CDH12: variants seen among roughly 807,000 people sequenced by gnomAD.
CDH12 encodes cadherin 12, also known as cadherin-12.
Under a neutral mutation model 74.1 loss-of-function variants are expected in CDH12, and 41 were observed. The observed-to-expected ratio is 0.55, with a 90% CI of 0.43 to 0.72. The LOEUF (loss-of-function observed/expected upper bound fraction) is 0.72. Among genes scored for constraint, CDH12 ranks in the 30% least tolerant of loss-of-function variants. The pLI, the probability that CDH12 is intolerant of heterozygous loss-of-function variation, is 0.00. For synonymous variants in CDH12, 399 were observed against 355.0 expected (o/e 1.12, Z -1.39); for missense variants, 945 against 977.2 (o/e 0.97, Z 0.44).
intron 2 of CDH12, among the ~76,000 whole-genome samples, chr5:22,442,531 T>C (rs1212171828): frequency 2.0e-5 from 3 of 152,214 alleles, no homozygotes; most frequent in African/African-American, 2.4e-5. Flanking sequence ...AATTTAATTC[T>C]ATGAGACATA....
chr5:22,823,714 T>C lies in CDH12; in HGVS notation c.-523+29344A>G, dbSNP rs531182622. On this transcript the variant is annotated intron_variant, in intron 1 of 14. Coordinates refer to ENST00000382254, the MANE Select transcript of CDH12 (RefSeq NM_004061.5). ...GGGGGCAGTTTCCCCCATGCTGTTCTCATGATAATAGGGGGAGTTCTCAGG... is the reference window on the plus strand; with the variant it reads ...GGGGGCAGTTTCCCCCATGCTGTTCCCATGATAATAGGGGGAGTTCTCAGG... Among the ~76,000 whole-genome samples the C allele has an allele frequency of 3.9e-4, 60 of 152,208 alleles. 1 individual carries two copies. In the South Asian group the frequency reaches 0.012, roughly 31 times the overall value.
At chr5:21,849,173 T>G (rs1750335009) in intron 7 of CDH12, among the ~76,000 whole-genome samples, 1 of 151,856 alleles carries the variant, frequency 6.6e-6, no homozygotes, top group Non-Finnish European at 1.5e-5. Context: ...TATGTATTGA[T>G]AGCTCTTTTC....
In CDH12 at chr5:21,803,247, T is replaced by C. The variant is rs1285380893; in HGVS notation, c.1003-827A>G. On this transcript the variant is annotated intron_variant, in intron 9 of 14. Coordinates refer to ENST00000382254, the MANE Select transcript of CDH12 (RefSeq NM_004061.5). ...TATGGCATCTTATATTAAATACTTT[T>C]GGATGTCTAGATCTTTTTTTATTTT... is the stretch of plus-strand genomic sequence containing the variant. Among the ~76,000 whole-genome samples the C allele has an allele frequency of 2.0e-5, 3 of 152,190 alleles. No homozygotes were observed. The South Asian group carries it at 6.2e-4, about 32-fold the overall frequency.
chr5:22,379,478 A>G (rs1338072577), intron 3 of CDH12, among the ~76,000 whole-genome samples: 1 of 152,192 alleles, frequency 6.6e-6, no homozygotes, highest in African/African-American at 2.4e-5. Flanking sequence ...TGTTCACACG[A>G]TTAAATGACT....
intron 1 of CDH12, among the ~76,000 whole-genome samples, chr5:22,654,930 CTCTT>C (rs1276961587): frequency 6.6e-6 from 1 of 152,182 alleles, no homozygotes; most frequent in African/African-American, 2.4e-5. Context: ...TGTGCCGTGC[CTCTT>C]TCTAAGCTTT....
intron 2 of CDH12, among the ~76,000 whole-genome samples, chr5:22,498,634 C>A (rs1389111681): frequency 6.6e-6 from 1 of 151,418 alleles, no homozygotes; most frequent in African/African-American, 2.4e-5. Flanking sequence ...TTTAAGAATG[C>A]CAAAAATATA....
intron 1 of CDH12, among the ~76,000 whole-genome samples, chr5:22,821,188 T>G (rs552800381): frequency 3.2e-4 from 48 of 152,230 alleles, no homozygotes; most frequent in African/African-American, 1.1e-3. Context: ...TCAACAACGC[T>G]TCATGCTAAA....
In CDH12 at chr5:22,099,760, A is replaced by G. The variant is rs112875212; in HGVS notation, c.-186-20898T>C. On this transcript the variant is annotated intron_variant, in intron 4 of 14. Coordinates refer to ENST00000382254, the MANE Select transcript of CDH12 (RefSeq NM_004061.5). ...GTAAATAAATAATCTTTGCTGGCAG[A>G]ACTATGCTGAATCTCCTTAGGCACT... is the stretch of plus-strand genomic sequence containing the variant. Among the ~76,000 whole-genome samples, 25 of 152,304 alleles carry G rather than the reference A, an allele frequency of 1.6e-4. 1 individual carries two copies. Among genetic ancestry groups the G allele is most frequent in the African/African-American group, 5.8e-4 (24 of 41,572 alleles).
intron 4 of CDH12, among the ~76,000 whole-genome samples, chr5:22,162,334 G>T (rs1275512403): frequency 6.6e-6 from 1 of 152,056 alleles, no homozygotes; most frequent in Non-Finnish European, 1.5e-5. Context: ...CCAGGATAAA[G>T]AACTGCCCTC....
chr5:22,271,852 T>G (rs1008230451), intron 3 of CDH12, among the ~76,000 whole-genome samples: 4 of 152,186 alleles, frequency 2.6e-5, no homozygotes, highest in Non-Finnish European at 5.9e-5. Context: ...TGAACTGTGT[T>G]ATAAACAATC....
chr5:22,461,471 T>G (rs1230962669), intron 2 of CDH12, among the ~76,000 whole-genome samples: 1 of 147,922 alleles, frequency 6.8e-6, no homozygotes, highest in African/African-American at 2.6e-5. Context: ...TTATCTATAG[T>G]TAAAAAAAAG....
chr5:21,756,884 G>GTTC (rs1744428078), intron 13 of CDH12, among the ~76,000 whole-genome samples: 1 of 152,130 alleles, frequency 6.6e-6, no homozygotes, highest in Non-Finnish European at 1.5e-5. Flanking sequence ...ATTGAGGCAG[G>GTTC]TTCTTCAGCA....
At chr5:22,480,690 T>C (rs1179923635) in intron 2 of CDH12, among the ~76,000 whole-genome samples, 1 of 152,200 alleles carries the variant, frequency 6.6e-6, no homozygotes, top group East Asian at 1.9e-4. Context: ...GCATGAGCTT[T>C]TCCTCAAACA....
At chr5:22,709,032 A>C (rs910815627) in intron 1 of CDH12, among the ~76,000 whole-genome samples, 29 of 152,066 alleles carry the variant, frequency 1.9e-4, no homozygotes, top group Non-Finnish European at 2.9e-5. Flanking sequence ...GGGACCTAAA[A>C]AGAAAGAGGG....
At chr5:21,980,421 T>C (rs973552817) in intron 5 of CDH12, among the ~76,000 whole-genome samples, 1 of 152,124 alleles carries the variant, frequency 6.6e-6, no homozygotes, top group African/African-American at 2.4e-5. Context: ...CAAAACATTT[T>C]TTAAGGAATT....
rs75385079 is a variant in CDH12 at position 21,827,006 on chromosome 5, G to A, written c.815-9874C>T. On this transcript the variant is annotated intron_variant, in intron 8 of 14. Transcript: ENST00000382254. ...CCATGACCTATATCAAGCTACTATCGTGATGTCTTGAACACACAGTTGAGA... is the reference window on the plus strand; with the variant it reads ...CCATGACCTATATCAAGCTACTATCATGATGTCTTGAACACACAGTTGAGA... 4.0e-3 allele frequency among the ~76,000 whole-genome samples: 608 copies of A among 152,102 alleles called. 3 individuals carry two copies. The highest frequency in any genetic ancestry group is 0.014 in the African/African-American group (586 of 41,508).
intron 2 of CDH12, among the ~76,000 whole-genome samples, chr5:22,484,593 T>C (rs1746512217): frequency 1.3e-5 from 2 of 152,342 alleles, no homozygotes; most frequent in East Asian, 1.9e-4. Context: ...TCCTTCAAAC[T>C]TGAAGCCTTG....
At chr5:22,603,176 A>G (rs1386599057) in intron 1 of CDH12, among the ~76,000 whole-genome samples, 5 of 152,214 alleles carry the variant, frequency 3.3e-5, no homozygotes, top group Non-Finnish European at 7.3e-5. Flanking sequence ...CAAGAAATAC[A>G]GAAAACCATA....
chr5:22,004,296 ACT>A (rs1736802276), intron 5 of CDH12, among the ~76,000 whole-genome samples: 1 of 152,152 alleles, frequency 6.6e-6, no homozygotes. Context: ...TTATGAAGCC[ACT>A]CTCAGTGCAT....
Sources: gnomAD v4.1 joint callset for allele counts (sites outside exome capture counted in the v4.1 genomes callset) on GRCh38, gnomAD v4.1.1 for gene constraint, MANE v1.5 for transcripts, NCBI Gene and HGNC (gene_info 2026-07-23, HGNC 2026-07-21) for gene names.